GCC2: variants seen among roughly 807,000 people sequenced by gnomAD.
GCC2 encodes the protein GRIP and coiled-coil domain-containing protein 2.
A neutral mutation model predicts 210.6 loss-of-function variants in GCC2; 120 were observed. The ratio of observed to expected loss-of-function variants is 0.57; its 90% CI spans 0.49 to 0.66. The LOEUF is 0.66. Ranked by LOEUF, GCC2 falls within the 30% of genes least tolerant of loss-of-function variation. GCC2 has a pLI of 0.00. For synonymous variants in GCC2, 703 were observed against 652.7 expected, an observed-to-expected ratio of 1.08 and a Z score of -1.17; for missense variants, 1,868 against 1,871.9, an observed-to-expected ratio of 1.00 and a Z score of 0.04.
chr2:108,482,711 C>T (rs1312239133), intron 11 of GCC2, among the ~76,000 whole-genome samples: 1 of 152,174 alleles, frequency 6.6e-6, no homozygotes, highest in Non-Finnish European at 1.5e-5. Flanking sequence ...GAGTCTCGCT[C>T]TGTTGCCCAG....
chr2:108,461,536 A>C (rs1680571131), intron 4 of GCC2, among the ~76,000 whole-genome samples: 1 of 151,630 alleles, frequency 6.6e-6, no homozygotes, highest in Non-Finnish European at 1.5e-5. Context: ...GCATAGTTTC[A>C]CTCTTGTGGC....
rs1682214041 is a variant in GCC2 at position 108,487,695 on chromosome 2, A to G, written c.3931-4A>G. On this transcript the variant is annotated splice_polypyrimidine_tract_variant and splice_region_variant and intron_variant, in intron 16 of 22. Coordinates refer to ENST00000309863, the MANE Select transcript of GCC2 (RefSeq NM_181453.4). Reference sequence around the variant, plus strand: ...AAAACGTTTCTCTCTTTTAAATGTTATAGGCAGAACAAGCTACTGTAACCT... The same window carrying G: ...AAAACGTTTCTCTCTTTTAAATGTTGTAGGCAGAACAAGCTACTGTAACCT... 6.2e-7 allele frequency: 1 copy of G among 1,610,264 alleles called. No homozygotes were observed.
At chr2:108,494,075 GTAAACTT>G (rs994781119) in intron 19 of GCC2, 2 of 544,550 alleles carry the variant, frequency 3.7e-6, no homozygotes, top group Admixed American at 6.3e-5. Context: ...AAAGGGCCTG[GTAAACTT>G]TACAGTTTAG....
intron 18 of GCC2, among the ~76,000 whole-genome samples, chr2:108,491,109 G>GT (rs1180455840): frequency 1.3e-5 from 2 of 152,180 alleles, no homozygotes; most frequent in African/African-American, 4.8e-5. Context: ...ATAGCAGATT[G>GT]TGAAAATGGT....
At position 108,470,148 on chromosome 2, in the gene GCC2, G is replaced by A; in HGVS notation, c.819G>A (p.Leu273=). The change falls in exon 6 of 23, where the codon TTG becomes TTA. Residue 273 remains leucine (L), a synonymous_variant. Transcript: ENST00000309863. ...AACATGAAGCAGAGATAAATAAGTT[G>A]AACGAGCTAAAAGAGAACTTAGTAA... The part of the protein sequence containing the change: ...AKEHEAEINK[L]NELKENLVKQ... The A allele has an allele frequency of 6.2e-7, 1 of 1,613,658 alleles. No individual in the cohort carries two copies. The highest frequency in any genetic ancestry group is 8.5e-7 in the Non-Finnish European group (1 of 1,179,846).
In GCC2 at chr2:108,487,710, T is replaced by G; in HGVS notation, c.3942T>G (p.Ala1314=). ...TTTAAATGTTATAGGCAGAACAAGC[T>G]ACTGTAACCTCTGAATTCGAGAGCT... The part of the protein sequence containing the change: ...EECRAAKAEQ[A]TVTSEFESYK... Residue 1314 remains alanine (A), a synonymous_variant, in exon 17 of 23, where the codon GCT becomes GCG. Coordinates refer to ENST00000309863, the MANE Select transcript of GCC2 (RefSeq NM_181453.4). The G allele has an allele frequency of 6.2e-7, 1 of 1,612,908 alleles. No homozygotes were observed. The highest frequency in any genetic ancestry group is 8.5e-7 in the Non-Finnish European group (1 of 1,179,338).
intron 15 of GCC2, 193 bp from the exon 16 acceptor site, chr2:108,486,318 T>A (rs1268356091): frequency 3.3e-6 from 2 of 602,046 alleles, no homozygotes. Context: ...TTGATGTTGG[T>A]TTAAGAAAAG....
At chr2:108,500,976 C>A (rs1682895879) in intron 22 of GCC2, among the ~76,000 whole-genome samples, 1 of 151,992 alleles carries the variant, frequency 6.6e-6, no homozygotes, top group Non-Finnish European at 1.5e-5. Context: ...GGTTGATGTT[C>A]CTTAAGCTTT....
intron 4 of GCC2, among the ~76,000 whole-genome samples, chr2:108,460,946 C>G (rs1680538285): frequency 6.6e-6 from 1 of 152,168 alleles, no homozygotes; most frequent in African/African-American, 2.4e-5. Flanking sequence ...AGATGTGCCT[C>G]CTTCTCCTTC....
chr2:108,491,791 T>G (rs896633146), intron 18 of GCC2, among the ~76,000 whole-genome samples: 6 of 151,854 alleles, frequency 4.0e-5, no homozygotes, highest in African/African-American at 1.4e-4. Flanking sequence ...ATTTATTTTT[T>G]TTACCAAAGC....
intron 5 of GCC2, chr2:108,469,386 A>T (rs1257396867): frequency 4.6e-6 from 2 of 436,776 alleles, no homozygotes; most frequent in Non-Finnish European, 8.0e-6. Flanking sequence ...GTTCTACGGT[A>T]TTCAGAGGCA....
rs777189992 is a variant in GCC2 at position 108,481,775 on chromosome 2, A to G, written c.3139A>G (p.Ile1047Val). The change falls in exon 10 of 23, where the codon ATT becomes GTT. Residue 1047 changes from isoleucine (I) to valine (V), a missense_variant. Coordinates refer to ENST00000309863, the MANE Select transcript of GCC2 (RefSeq NM_181453.4). ...KERANNFEHR[I>V]EDLTRQLRNS... ...ACGTGCTAATAATTTTGAGCATCGT[A>G]TTGAAGACCTTACAAGACAATTAAG... The G allele has an allele frequency of 1.6e-5, 25 of 1,602,052 alleles. No individual in the cohort carries two copies. Among genetic ancestry groups the G allele is most frequent in the Non-Finnish European group, 1.8e-5 (21 of 1,173,852 alleles).
rs1291283094 is a variant in GCC2 at position 108,449,615 on chromosome 2, T to A, written c.7-18T>A. The A allele has an allele frequency of 3.2e-5, 51 of 1,611,182 alleles. No homozygotes were observed. The highest frequency in any genetic ancestry group is 4.1e-5 in the Non-Finnish European group (48 of 1,177,504). On this transcript the variant is annotated intron_variant, in intron 1 of 22. Coordinates refer to ENST00000309863, the MANE Select transcript of GCC2 (RefSeq NM_181453.4). ...GAAAAGAGTTCTTCTGACACCTGGG[T>A]TTGATTTTGTTTTGCAGGATCTTGT... is the stretch of plus-strand genomic sequence containing the variant.
chr2:108,492,878 A>C (rs1205627354), intron 19 of GCC2, 88 bp downstream of exon 19: 6 of 916,366 alleles, frequency 6.5e-6, no homozygotes, highest in Non-Finnish European at 1.0e-5. Context: ...ATAAGAAAGA[A>C]AATTTACTAG....
At chr2:108,506,379 A>G (rs577268002) in intron 22 of GCC2, among the ~76,000 whole-genome samples, 2 of 152,338 alleles carry the variant, frequency 1.3e-5, no homozygotes, top group African/African-American at 2.4e-5. Context: ...TACTATGTAC[A>G]GTGTGATTCT....
chr2:108,480,598 C>CA (rs780086600), intron 9 of GCC2, among the ~76,000 whole-genome samples: 23 of 152,146 alleles, frequency 1.5e-4, no homozygotes, highest in Admixed American at 2.6e-4. Flanking sequence ...ATGTCCTTTG[C>CA]AGGGACATGT....
chr2:108,493,939 A>G, intron 19 of GCC2: 4 of 985,120 alleles, frequency 4.1e-6, no homozygotes, highest in Non-Finnish European at 4.8e-6. Context: ...TGCAAAATAA[A>G]TGAAATCTGA....
At position 108,485,896 on chromosome 2, in the gene GCC2, A is replaced by C. The variant is rs1203441758; in HGVS notation, c.3780A>C (p.Val1260=). 1 of 1,562,944 alleles carries C rather than the reference A, an allele frequency of 6.4e-7. No individual in the cohort carries two copies. ...KGELEASQQQ[V]EVYKIQLAEI... ...AGCTGGAGGCAAGCCAGCAGCAAGTAGAAGTCTATAAAGTAAGGGTTTTAC... is the reference window on the plus strand; with the variant it reads ...AGCTGGAGGCAAGCCAGCAGCAAGTCGAAGTCTATAAAGTAAGGGTTTTAC... The change falls in exon 15 of 23, where the codon GTA becomes GTC. Residue 1260 remains valine (V), a synonymous_variant. Transcript: ENST00000309863.
intron 4 of GCC2, among the ~76,000 whole-genome samples, chr2:108,454,808 C>T (rs1680162966): frequency 6.6e-6 from 1 of 152,136 alleles, no homozygotes; most frequent in African/African-American, 2.4e-5. Flanking sequence ...GGTAATATAT[C>T]TACTGCACAT....
Sources: allele counts gnomAD v4.1 joint callset (sites outside exome capture counted in the v4.1 genomes callset), GRCh38; gene constraint gnomAD v4.1.1; transcripts MANE v1.5; gene names NCBI Gene and HGNC (gene_info 2026-07-23, HGNC 2026-07-21).